Variants in BCL2L11 observed in about 807,000 individuals in gnomAD.
BCL2L11 encodes the protein bcl-2-like protein 11.
A neutral mutation model predicts 20.6 loss-of-function variants in BCL2L11; 15 were observed. That is an observed-to-expected ratio of 0.73 (90% CI 0.49 to 1.12). The LOEUF is 1.12. Ranked by LOEUF, BCL2L11 falls within the 50% of genes most tolerant of loss-of-function variation. BCL2L11 has a pLI of 0.00. For synonymous variants in BCL2L11, 108 were observed against 92.8 expected (o/e 1.16, Z -0.94); for missense variants, 292 against 260.9 (o/e 1.12, Z -0.82).
intron 3 of BCL2L11, among the ~76,000 whole-genome samples, chr2:111,151,483 A>G (rs1045150367): frequency 6.6e-5 from 10 of 152,118 alleles, no homozygotes; most frequent in Admixed American, 6.5e-4. Context: ...TTGTTGTTTT[A>G]TATAAGTACC....
intron 2 of BCL2L11, among the ~76,000 whole-genome samples, chr2:111,134,372 T>C (rs908514593): frequency 6.6e-6 from 1 of 152,170 alleles, no homozygotes; most frequent in Non-Finnish European, 1.5e-5. Flanking sequence ...GTGTGAAATA[T>C]ATATTCTAAG....
chr2:111,138,160 C>T (rs1046861036), intron 2 of BCL2L11, among the ~76,000 whole-genome samples: 1 of 152,028 alleles, frequency 6.6e-6, no homozygotes, highest in South Asian at 2.1e-4. Flanking sequence ...AGGCACCCAC[C>T]ACGACGCCTG....
chr2:111,124,163 C>A (rs2150145968), intron 2 of BCL2L11, 24 bp downstream of exon 2: 2 of 1,578,068 alleles, frequency 1.3e-6, no homozygotes, highest in East Asian at 2.3e-5. Flanking sequence ...GGGTAAGAGG[C>A]AGTTGACGTG....
intron 2 of BCL2L11, among the ~76,000 whole-genome samples, chr2:111,140,979 G>T (rs1001751431): frequency 1.3e-5 from 2 of 152,210 alleles, no homozygotes; most frequent in Non-Finnish European, 2.9e-5. Flanking sequence ...ACAAGGTGTT[G>T]ACTCATCTTT....
chr2:111,120,985 C>CGCCGCCGCT lies in BCL2L11; in HGVS notation c.-209_-208insTGCCGCCGC, dbSNP rs1426757129. 1.5e-4 allele frequency: 8 copies of CGCCGCCGCT among 53,554 alleles called. No individual in the cohort carries two copies. The highest frequency in any genetic ancestry group is 2.7e-4 in the Non-Finnish European group (8 of 29,288). The allele number at this position is 53,554 out of a possible 1,614,324, so 3.3% of individuals were successfully genotyped here. On this transcript the variant is annotated 5_prime_UTR_variant, in exon 1 of 4. Transcript: ENST00000393256. ...CGTCCAGCGCCGCTGCCGCTGCCGC[C>CGCCGCCGCT]GCCGCCGCCGCCGCCGCCGCCGCCG...
chr2:111,150,168 C>T (rs781335475), intron 3 of BCL2L11, 21 bp downstream of exon 3: 20 of 1,610,384 alleles, frequency 1.2e-5, no homozygotes, highest in South Asian at 8.8e-5. Flanking sequence ...TTTCTTTACC[C>T]GCTTTTCTGC....
chr2:111,145,702 G>C (rs1301774625), intron 2 of BCL2L11, among the ~76,000 whole-genome samples: 9 of 152,076 alleles, frequency 5.9e-5, no homozygotes, highest in African/African-American at 1.7e-4. Flanking sequence ...TCTTTGAGTA[G>C]AACTAAAGTC....
At chr2:111,134,884 T>C (rs2150352062) in intron 2 of BCL2L11, among the ~76,000 whole-genome samples, 1 of 152,338 alleles carries the variant, frequency 6.6e-6, no homozygotes, top group South Asian at 2.1e-4. Flanking sequence ...TCATCTGAAT[T>C]GGTGTTCTCA....
intron 1 of BCL2L11, 86 bp downstream of exon 1, chr2:111,121,274 T>G: frequency 1.1e-5 from 2 of 186,042 alleles, no homozygotes; most frequent in Non-Finnish European, 2.2e-5. Flanking sequence ...TACTGCCCGC[T>G]TCCCGTGCAC....
At chr2:111,123,478 A>G in intron 1 of BCL2L11, 2 of 985,420 alleles carry the variant, frequency 2.0e-6, no homozygotes, top group Non-Finnish European at 2.4e-6. Context: ...CTGGAAACGC[A>G]TGTGTGTGTG....
At position 111,165,010 on chromosome 2, in the gene BCL2L11, G is replaced by T. The variant is rs1427063093; in HGVS notation, c.*779G>T. ...AGTCTGGACTCAGATGCATAGATTT[G>T]GTCCAGTGTATTTTCATGATAAAGT... is the stretch of plus-strand genomic sequence containing the variant. On this transcript the variant is annotated 3_prime_UTR_variant, in exon 4 of 4. Transcript: ENST00000393256. 6.6e-6 allele frequency: 1 copy of T among 152,136 alleles called. No individual in the cohort carries two copies. Among genetic ancestry groups the T allele is most frequent in the East Asian group, 1.9e-4 (1 of 5,204 alleles). The allele number at this position is 152,136 out of a possible 1,614,324, so 9.4% of individuals were successfully genotyped here.
At chr2:111,152,473 G>T (rs1273203420) in intron 3 of BCL2L11, among the ~76,000 whole-genome samples, 1 of 152,226 alleles carries the variant, frequency 6.6e-6, no homozygotes, top group Non-Finnish European at 1.5e-5. Flanking sequence ...CATGCAATAT[G>T]AATGCATGAC....
At chr2:111,138,086 G>A (rs1273543390) in intron 2 of BCL2L11, among the ~76,000 whole-genome samples, 20 of 146,338 alleles carry the variant, frequency 1.4e-4, no homozygotes, top group African/African-American at 4.8e-4. Flanking sequence ...TCAGCTCACT[G>A]CACCCTCCAC....
At chr2:111,146,152 C>T (rs1298462230) in intron 2 of BCL2L11, 14 of 985,062 alleles carry the variant, frequency 1.4e-5, no homozygotes, top group Admixed American at 6.2e-5. Context: ...ACTACATTTT[C>T]TGTGGGTAAA....
intron 2 of BCL2L11, among the ~76,000 whole-genome samples, chr2:111,139,312 C>T (rs2075423964): frequency 6.6e-6 from 1 of 152,170 alleles, no homozygotes; most frequent in South Asian, 2.1e-4. Flanking sequence ...GAGTTGGGGA[C>T]ACCTGCTGGA....
chr2:111,131,852 G>A (rs2074017228), intron 2 of BCL2L11: 1 of 152,164 alleles, frequency 6.6e-6, no homozygotes, highest in African/African-American at 2.4e-5. Context: ...GGGATGTATA[G>A]GACAGTTGGC....
chr2:111,152,285 G>A (rs944644768), intron 3 of BCL2L11, among the ~76,000 whole-genome samples: 2 of 152,210 alleles, frequency 1.3e-5, no homozygotes, highest in African/African-American at 4.8e-5. Context: ...ATCTGCCTTA[G>A]ATGGGGCTGC....
rs143000110 is a variant in BCL2L11 at position 111,126,565 on chromosome 2, TGA to T, written c.394+2428_394+2429del. Among the ~76,000 whole-genome samples the T allele has an allele frequency of 6.7e-3, 1,022 of 152,232 alleles. 17 individuals carry two copies. The highest frequency in any genetic ancestry group is 0.023 in the African/African-American group (939 of 41,548). ...GGGGAGGAAAGGACTTAGCCAGATGTGAGTTTCTTAAATTGAAGCATAAAATT... is the reference window on the plus strand; with the variant it reads ...GGGGAGGAAAGGACTTAGCCAGATGTGTTTCTTAAATTGAAGCATAAAATT... On this transcript the variant is annotated intron_variant, in intron 2 of 3. Coordinates refer to ENST00000393256, the MANE Select transcript of BCL2L11 (RefSeq NM_138621.5).
chr2:111,121,125 C>T lies in BCL2L11; in HGVS notation c.-77C>T. The T allele has an allele frequency of 3.6e-6, 1 of 277,330 alleles. No homozygotes were observed. Among genetic ancestry groups the T allele is most frequent in the East Asian group, 7.6e-5 (1 of 13,080 alleles). 17.2% of individuals were successfully genotyped at this position (277,330 alleles called of 1,614,324 possible). On this transcript the variant is annotated 5_prime_UTR_variant, in exon 1 of 4. Coordinates refer to ENST00000393256, the MANE Select transcript of BCL2L11 (RefSeq NM_138621.5). ...TGCGTTCCCGCCGCCACCGCCTCGG[C>T]GCCCTTTCTTGGCCCTTGTTCCCCC... is the stretch of plus-strand genomic sequence containing the variant.
Sources: allele counts gnomAD v4.1 joint callset (sites outside exome capture counted in the v4.1 genomes callset), GRCh38; gene constraint gnomAD v4.1.1; transcripts MANE v1.5; gene names NCBI Gene and HGNC (gene_info 2026-07-23, HGNC 2026-07-21).